Variants in SLC49A4 observed in about 807,000 individuals in gnomAD.
SLC49A4 encodes disrupted in renal cancer protein 2.
A neutral mutation model predicts 50.6 loss-of-function variants in SLC49A4; 36 were observed. The ratio of observed to expected loss-of-function variants is 0.71; its 90% CI spans 0.55 to 0.94. SLC49A4 has a LOEUF of 0.94. Among genes scored for constraint, SLC49A4 ranks in the 40% least tolerant of loss-of-function variants. The pLI, the probability that SLC49A4 is intolerant of heterozygous loss-of-function variation, is 0.00. For missense variants in SLC49A4, 503 were observed against 605.7 expected (o/e 0.83, Z 1.78); for synonymous variants, 248 against 241.2 (o/e 1.03, Z -0.26).
intron 5 of SLC49A4, among the ~76,000 whole-genome samples, chr3:122,849,916 A>G (rs1936902659): frequency 6.6e-6 from 1 of 152,016 alleles, no homozygotes; most frequent in Non-Finnish European, 1.5e-5. Context: ...AGTGTCCTGT[A>G]GTGTTCCCCC....
At chr3:122,845,078 G>C (rs1374399971) in intron 4 of SLC49A4, among the ~76,000 whole-genome samples, 3 of 152,062 alleles carry the variant, frequency 2.0e-5, no homozygotes, top group African/African-American at 4.8e-5. Context: ...AATAAGCATA[G>C]TATCCAATAG....
rs1380202938 is a variant in SLC49A4 at position 122,825,061 on chromosome 3, T to C, written c.438-1739T>C. Reference sequence around the variant, plus strand: ...AGTCCTGCTTTCTTATCAGTCTTTTTGTTTGTTTGTTTTTGATTTATTTCT... The same window carrying C: ...AGTCCTGCTTTCTTATCAGTCTTTTCGTTTGTTTGTTTTTGATTTATTTCT... On this transcript the variant is annotated intron_variant, in intron 2 of 8. Coordinates refer to ENST00000261038, the MANE Select transcript of SLC49A4 (RefSeq NM_032839.3). Among the ~76,000 whole-genome samples, 6 of 152,270 alleles carry C rather than the reference T, an allele frequency of 3.9e-5. No individual in the cohort carries two copies. The East Asian group carries it at 9.6e-4, about 24-fold the overall frequency.
intron 7 of SLC49A4, among the ~76,000 whole-genome samples, chr3:122,865,971 C>A (rs946354213): frequency 6.6e-6 from 1 of 152,134 alleles, no homozygotes; most frequent in African/African-American, 2.4e-5. Flanking sequence ...CTACTTATTT[C>A]TTCATAAAAC....
chr3:122,837,915 C>T (rs1193406498), intron 4 of SLC49A4, among the ~76,000 whole-genome samples: 1 of 152,286 alleles, frequency 6.6e-6, no homozygotes, highest in African/African-American at 2.4e-5. Flanking sequence ...ACAGACACTT[C>T]TCAAAAGAAG....
intron 4 of SLC49A4, 64 bp from the exon 5 acceptor site, chr3:122,845,699 C>A: frequency 4.6e-6 from 3 of 651,100 alleles, no homozygotes; most frequent in East Asian, 9.8e-5. Flanking sequence ...ATACATTTTT[C>A]ATGACTAAGT....
At chr3:122,845,666 TG>T in intron 4 of SLC49A4, 96 bp from the exon 5 acceptor site, 2 of 417,360 alleles carry the variant, frequency 4.8e-6, no homozygotes, top group East Asian at 4.3e-5. Flanking sequence ...TTTCTGATTC[TG>T]GTGTTCCAGT....
At chr3:122,802,383 T>A (rs1460355904) in intron 1 of SLC49A4, among the ~76,000 whole-genome samples, 1 of 152,104 alleles carries the variant, frequency 6.6e-6, no homozygotes, top group Non-Finnish European at 1.5e-5. Context: ...ATAGCTAGAA[T>A]TCTTAAGGTA....
At chr3:122,854,538 T>C (rs1408656385) in intron 5 of SLC49A4, among the ~76,000 whole-genome samples, 2 of 152,216 alleles carry the variant, frequency 1.3e-5, no homozygotes, top group Non-Finnish European at 2.9e-5. Flanking sequence ...TGTCATTATA[T>C]GCATGGGTGC....
chr3:122,827,596 A>G (rs976763802), intron 3 of SLC49A4, among the ~76,000 whole-genome samples: 1 of 152,154 alleles, frequency 6.6e-6, no homozygotes, highest in Non-Finnish European at 1.5e-5. Flanking sequence ...GAATTATTTT[A>G]TTTCTAGAGT....
chr3:122,866,706 T>C (rs1464403035), intron 7 of SLC49A4, among the ~76,000 whole-genome samples: 1 of 151,390 alleles, frequency 6.6e-6, no homozygotes, highest in Non-Finnish European at 1.5e-5. Context: ...AATCTAACCA[T>C]CCCCCCCTGC....
intron 1 of SLC49A4, among the ~76,000 whole-genome samples, chr3:122,795,824 A>G (rs1282826465): frequency 6.6e-6 from 1 of 152,212 alleles, no homozygotes; most frequent in Admixed American, 6.5e-5. Flanking sequence ...TGAACATCAG[A>G]GCATCCCCGT....
At chr3:122,878,302 T>C (rs1424928592) in intron 8 of SLC49A4, among the ~76,000 whole-genome samples, 1 of 152,212 alleles carries the variant, frequency 6.6e-6, no homozygotes. Context: ...TGAATGGATA[T>C]TAAACTAGAA....
At chr3:122,809,752 G>A (rs1463612120) in intron 2 of SLC49A4, among the ~76,000 whole-genome samples, 1 of 152,078 alleles carries the variant, frequency 6.6e-6, no homozygotes, top group Non-Finnish European at 1.5e-5. Context: ...AACAAATGTA[G>A]AACAGGTAAG....
rs1338159104 is a variant in SLC49A4, at chr3:122,842,325, A to C, written c.834-3438A>C. Among the ~76,000 whole-genome samples the C allele has an allele frequency of 3.9e-5, 6 of 152,050 alleles. No homozygotes were observed. In the East Asian group the frequency reaches 9.7e-4, roughly 25 times the overall value. Reference sequence around the variant, plus strand: ...CACGGTGAAACCCCGTCTCTACTAAAAATACAAAAAATTAACCGGGCTTGG... The same window carrying C: ...CACGGTGAAACCCCGTCTCTACTAACAATACAAAAAATTAACCGGGCTTGG... On this transcript the variant is annotated intron_variant, in intron 4 of 8. Coordinates refer to ENST00000261038, the MANE Select transcript of SLC49A4 (RefSeq NM_032839.3).
intron 4 of SLC49A4, among the ~76,000 whole-genome samples, chr3:122,835,292 G>C (rs759780782): frequency 5.9e-5 from 9 of 152,026 alleles, no homozygotes; most frequent in Non-Finnish European, 1.3e-4. Context: ...GTGTCACCCT[G>C]ATACCAAAAC....
In SLC49A4 at chr3:122,879,327, C is replaced by T. The variant is rs1937305178; in HGVS notation, c.1386C>T (p.Cys462=). 3 of 1,613,882 alleles carry T rather than the reference C, an allele frequency of 1.9e-6. No homozygotes were observed. The highest frequency in any genetic ancestry group is 1.7e-5 in the Admixed American group (1 of 59,992). Residue 462 remains cysteine, a synonymous_variant, in exon 9 of 9, where the codon TGC becomes TGT. Transcript: ENST00000261038. ...SCLLSLLLIL[C]FRESYDRLYL... ...TGCTCAGTCTCCTCCTCATTCTGTG[C>T]TTCAGGGAATCCTATGACAGACTCT...
intron 3 of SLC49A4, among the ~76,000 whole-genome samples, chr3:122,828,046 T>A (rs1936559039): frequency 6.6e-6 from 1 of 152,106 alleles, no homozygotes; most frequent in Non-Finnish European, 1.5e-5. Context: ...AATGTTTGTG[T>A]TTGGGTATGG....
chr3:122,816,558 A>G (rs999607476), intron 2 of SLC49A4, among the ~76,000 whole-genome samples: 7 of 152,172 alleles, frequency 4.6e-5, no homozygotes, highest in African/African-American at 1.4e-4. Context: ...TAATTTCTCA[A>G]TTAGAGGACA....
chr3:122,826,369 C>G (rs1321609714), intron 2 of SLC49A4, among the ~76,000 whole-genome samples: 1 of 152,268 alleles, frequency 6.6e-6, no homozygotes, highest in South Asian at 2.1e-4. Flanking sequence ...TGGAATCAGA[C>G]CTGGATCTAA....
Sources: allele counts gnomAD v4.1 joint callset (sites outside exome capture counted in the v4.1 genomes callset), GRCh38; gene constraint gnomAD v4.1.1; transcripts MANE v1.5; gene names NCBI Gene and HGNC (gene_info 2026-07-23, HGNC 2026-07-21).